The following SEMA6D variants were observed in gnomAD, a reference collection of about 807,000 sequenced individuals.
SEMA6D encodes semaphorin 6D.
In SEMA6D, 35 loss-of-function variants were observed where a neutral mutation model predicts 106.6. The ratio of observed to expected loss-of-function variants is 0.33; its 90% CI spans 0.25 to 0.44. The LOEUF (loss-of-function observed/expected upper bound fraction) is 0.44. SEMA6D is among the 20% of genes least tolerant of loss of function. SEMA6D has a pLI of 1.00. For missense variants in SEMA6D, 1,185 were observed against 1,345.9 expected (o/e 0.88, Z 1.87); for synonymous variants, 499 against 487.7 (o/e 1.02, Z -0.31).
At chr15:47,614,293 C>A (rs902224029) in intron 4 of SEMA6D, among the ~76,000 whole-genome samples, 1 of 152,216 alleles carries the variant, frequency 6.6e-6, no homozygotes, top group African/African-American at 2.4e-5. Flanking sequence ...TTGCAAACAC[C>A]TCATGCAGCA....
intron 1 of SEMA6D, among the ~76,000 whole-genome samples, chr15:47,726,635 T>G (rs1440149644): frequency 6.6e-6 from 1 of 152,148 alleles, no homozygotes; most frequent in Non-Finnish European, 1.5e-5. Context: ...TGAGACTCAT[T>G]TTCACCTTAT....
intron 3 of SEMA6D, among the ~76,000 whole-genome samples, chr15:47,573,562 G>C (rs758328621): frequency 2.6e-5 from 4 of 152,150 alleles, no homozygotes; most frequent in Non-Finnish European, 5.9e-5. Context: ...CTGCCACCCT[G>C]CTAGTCCAGA....
chr15:47,529,951 T>C (rs551120222), intron 3 of SEMA6D, among the ~76,000 whole-genome samples: 2 of 152,362 alleles, frequency 1.3e-5, no homozygotes, highest in African/African-American at 4.8e-5. Flanking sequence ...CTTTGGGTAA[T>C]AGTCGCAGTC....
intron 3 of SEMA6D, among the ~76,000 whole-genome samples, chr15:47,517,239 A>G (rs2141875366): frequency 6.6e-6 from 1 of 152,210 alleles, no homozygotes; most frequent in Admixed American, 6.5e-5. Context: ...CATTGTGATC[A>G]GTTACTGCTT....
In SEMA6D at chr15:47,379,517, A is replaced by G. The variant is rs1303201275; in HGVS notation, c.-238-32876A>G. ...ATATAATACTTGGAAGAACATAAAA[A>G]GAATAAGCAACTGAGATGAGGCAAA... On this transcript the variant is annotated intron_variant, in intron 1 of 19. Transcript: ENST00000558014. Among the ~76,000 whole-genome samples, 4 of 152,344 alleles carry G rather than the reference A, an allele frequency of 2.6e-5. No individual in the cohort carries two copies. The East Asian group carries it at 5.8e-4, about 22-fold the overall frequency.
chr15:47,210,842 T>G (rs181275113), intron 1 of SEMA6D, among the ~76,000 whole-genome samples: 65 of 151,612 alleles, frequency 4.3e-4, no homozygotes, highest in Admixed American at 1.8e-3. Context: ...CAGTTAAACC[T>G]TTCATCGGTA....
chr15:47,364,839 G>T (rs2038954178), intron 1 of SEMA6D, among the ~76,000 whole-genome samples: 1 of 151,624 alleles, frequency 6.6e-6, no homozygotes, highest in Non-Finnish European at 1.5e-5. Context: ...TGTGGTCTGT[G>T]TGCTCTGAGC....
chr15:47,459,299 G>T (rs1222005991), intron 2 of SEMA6D, among the ~76,000 whole-genome samples: 1 of 151,952 alleles, frequency 6.6e-6, no homozygotes, highest in Non-Finnish European at 1.5e-5. Flanking sequence ...AGAAAGCCAG[G>T]CCCCTCATTC....
At position 47,207,991 on chromosome 15, in the gene SEMA6D, G is replaced by GCACACACA. The variant is rs779884565; in HGVS notation, c.-239+23574_-239+23575insACACACAC. Among the ~76,000 whole-genome samples, 89 of 122,974 alleles carry GCACACACA rather than the reference G, an allele frequency of 7.2e-4. 4 individuals are homozygous for GCACACACA. Among genetic ancestry groups the GCACACACA allele is most frequent in the East Asian group, 2.4e-3 (10 of 4,150 alleles). 80.7% of individuals were successfully genotyped at this position (122,974 alleles called of 152,430 possible). On this transcript the variant is annotated intron_variant, in intron 1 of 19. Coordinates refer to the SEMA6D transcript ENST00000558014. ...ACAGGTACAGTAGCCACTGGCGCGC[G>GCACACACA]CGCACACACACACACACACACACAC... is the stretch of plus-strand genomic sequence containing the variant.
At chr15:47,543,718 C>T (rs1285178259) in intron 3 of SEMA6D, among the ~76,000 whole-genome samples, 2 of 151,990 alleles carry the variant, frequency 1.3e-5, no homozygotes, top group African/African-American at 4.8e-5. Context: ...AGGTGATCTG[C>T]AGTGTTTCCT....
At chr15:47,669,882 C>T (rs1171262338) in intron 4 of SEMA6D, among the ~76,000 whole-genome samples, 1 of 152,198 alleles carries the variant, frequency 6.6e-6, no homozygotes, top group African/African-American at 2.4e-5. Flanking sequence ...CCATCTTCTT[C>T]CAGACAAAGG....
At chr15:47,397,587 A>G (rs941170802) in intron 1 of SEMA6D, 9 of 152,192 alleles carry the variant, frequency 5.9e-5, no homozygotes, top group Non-Finnish European at 1.5e-5. Flanking sequence ...CAGAAATTGT[A>G]CATTGATATA....
chr15:47,525,627 T>C (rs895691500), intron 3 of SEMA6D, among the ~76,000 whole-genome samples: 1 of 152,192 alleles, frequency 6.6e-6, no homozygotes, highest in Non-Finnish European at 1.5e-5. Context: ...GGAGCCTCAC[T>C]TCTAATATAA....
chr15:47,405,970 G>C (rs2040551749), intron 1 of SEMA6D, among the ~76,000 whole-genome samples: 1 of 152,158 alleles, frequency 6.6e-6, no homozygotes, highest in South Asian at 2.1e-4. Flanking sequence ...AGAAGTACTT[G>C]CCACACTTTC....
chr15:47,504,562 G>A (rs2043972019), intron 3 of SEMA6D, among the ~76,000 whole-genome samples: 1 of 152,172 alleles, frequency 6.6e-6, no homozygotes. Flanking sequence ...GGAAACAACA[G>A]GGAATTACAG....
At chr15:47,486,990 T>C (rs896805084) in intron 3 of SEMA6D, among the ~76,000 whole-genome samples, 5 of 152,252 alleles carry the variant, frequency 3.3e-5, no homozygotes, top group Admixed American at 3.3e-4. Flanking sequence ...AGGCATAGTC[T>C]CTGTTTATAC....
intron 4 of SEMA6D, among the ~76,000 whole-genome samples, chr15:47,623,307 A>T (rs921147933): frequency 1.2e-4 from 18 of 152,198 alleles, no homozygotes; most frequent in Non-Finnish European, 2.1e-4. Context: ...TCACCACACA[A>T]CAGTGAACAT....
chr15:47,541,577 T>A (rs570885730), intron 3 of SEMA6D, among the ~76,000 whole-genome samples: 31 of 152,186 alleles, frequency 2.0e-4, no homozygotes, highest in Non-Finnish European at 4.0e-4. Context: ...AAAAAAGAAC[T>A]GTGAATGAAT....
At chr15:47,683,837 G>T (rs536170706) in intron 4 of SEMA6D, among the ~76,000 whole-genome samples, 3 of 152,286 alleles carry the variant, frequency 2.0e-5, no homozygotes, top group Non-Finnish European at 4.4e-5. Flanking sequence ...GGAAGACATT[G>T]TGTCTTCACT....
Sources: gnomAD v4.1 joint callset for allele counts (sites outside exome capture counted in the v4.1 genomes callset) on GRCh38, gnomAD v4.1.1 for gene constraint, MANE v1.5 for transcripts, NCBI Gene and HGNC (gene_info 2026-07-23, HGNC 2026-07-21) for gene names.